Variants in MYOF observed in about 807,000 individuals in gnomAD.
MYOF encodes myoferlin.
In MYOF, 244 loss-of-function variants were observed where a neutral mutation model predicts 284.2. The ratio of observed to expected loss-of-function variants is 0.86; its 90% CI spans 0.77 to 0.95. The LOEUF is 0.95. Among genes scored for constraint, MYOF ranks in the 40% least tolerant of loss-of-function variants. The pLI is 0.00. For synonymous variants in MYOF, 904 were observed against 919.7 expected, an observed-to-expected ratio of 0.98 and a Z score of 0.31; for missense variants, 2,496 against 2,560.6, an observed-to-expected ratio of 0.97 and a Z score of 0.54.
intron 40 of MYOF, among the ~76,000 whole-genome samples, chr10:93,336,916 G>GGGAAGGAAA (rs1442336646): frequency 1.4e-5 from 2 of 145,206 alleles, no homozygotes; most frequent in African/African-American, 5.3e-5. Context: ...AAGGAAGGAA[G>GGGAAGGAAA]GGAAGGAAAG....
chr10:93,306,692 G>A lies in MYOF; in HGVS notation c.*271C>T. The A allele has an allele frequency of 2.4e-6, 1 of 414,334 alleles. No homozygotes were observed. The highest frequency in any genetic ancestry group is 4.2e-6 in the Non-Finnish European group (1 of 236,160). 25.7% of individuals were successfully genotyped at this position (414,334 alleles called of 1,614,324 possible). The stretch of plus-strand genomic sequence containing the variant: ...ACATATAAAAAGATGATTTTTAAAT[G>A]GAACCAGCCACCTTGAAAAATATTT... On this transcript the variant is annotated 3_prime_UTR_variant, in exon 54 of 54. Coordinates refer to ENST00000359263, the MANE Select transcript of MYOF (RefSeq NM_013451.4).
intron 11 of MYOF, among the ~76,000 whole-genome samples, chr10:93,401,792 CGT>C (rs57326000): frequency 0.023 from 2,135 of 94,458 alleles, 24 homozygotes; most frequent in East Asian, 0.063. Flanking sequence ...AGAGCCTGTG[CGT>C]GTGTGTGTGT....
At chr10:93,329,046 G>A in intron 44 of MYOF, 135 bp from the exon 45 acceptor site, 1 of 841,906 alleles carries the variant, frequency 1.2e-6, no homozygotes, top group Non-Finnish European at 1.7e-6. Context: ...CTCTGACTTT[G>A]GCCTAGAAAT....
At chr10:93,428,636 C>G (rs1002671272) in intron 4 of MYOF, among the ~76,000 whole-genome samples, 1 of 151,348 alleles carries the variant, frequency 6.6e-6, no homozygotes, top group Non-Finnish European at 1.5e-5. Context: ...TTCCATTTTT[C>G]TGTTCATCAG....
At position 93,325,909 on chromosome 10, in the gene MYOF, G is replaced by A. The variant is rs777800718; in HGVS notation, c.5188C>T (p.His1730Tyr). Residue 1730 changes from histidine to tyrosine, a missense_variant, in exon 46 of 54, where the codon CAC becomes TAC. This residue lies in a region of MYOF where 2,436 missense variants were observed against 2,480.7 expected (regional missense o/e 0.98). Coordinates refer to ENST00000359263, the MANE Select transcript of MYOF (RefSeq NM_013451.4). ...ACCAGCCCCTGAGTCCTGAGGATGT[G>A]AAGAGCAAGCCGCTCTTCAGGGGCC... Reference protein sequence around the residue: ...LGAPEERLALHILRTQGLVPE... With the variant: ...LGAPEERLALYILRTQGLVPE... The A allele has an allele frequency of 1.2e-6, 2 of 1,614,176 alleles. No homozygotes were observed. Among genetic ancestry groups the A allele is most frequent in the Admixed American group, 3.3e-5 (2 of 60,026 alleles).
At chr10:93,323,532 A>T in intron 46 of MYOF, 174 bp from the exon 47 acceptor site, 1 of 630,570 alleles carries the variant, frequency 1.6e-6, no homozygotes, top group Non-Finnish European at 2.7e-6. Flanking sequence ...TCTTTTATGT[A>T]CAATGTCATT....
rs1480502650 is a variant in MYOF at position 93,320,114 on chromosome 10, T to C, written c.5457-101A>G. On this transcript the variant is annotated intron_variant, in intron 48 of 53. Transcript: ENST00000359263. ...GGGGAGCAAAGAGCAGGAGAATTAA[T>C]GCACTTTTCTTGGGCAGATTCCAGT... 4.3e-6 allele frequency: 6 copies of C among 1,401,336 alleles called. No individual in the cohort carries two copies. In the African/African-American group the frequency reaches 8.6e-5, roughly 20 times the overall value. The allele number at this position is 1,401,336 out of a possible 1,614,324, so 86.8% of individuals were successfully genotyped here.
chr10:93,403,599 A>C (rs933976975), intron 9 of MYOF, among the ~76,000 whole-genome samples: 16 of 152,194 alleles, frequency 1.1e-4, no homozygotes, highest in African/African-American at 3.4e-4. Context: ...CTTTCATTCC[A>C]GTGAGAGCTA....
chr10:93,408,680 G>A (rs973846413), intron 7 of MYOF, 107 bp downstream of exon 7: 2 of 1,461,736 alleles, frequency 1.4e-6, no homozygotes, highest in African/African-American at 1.4e-5. Flanking sequence ...TTTTGTTCCT[G>A]TGATCTCTAC....
At chr10:93,371,762 A>T (rs539837937) in intron 24 of MYOF, among the ~76,000 whole-genome samples, 1 of 152,288 alleles carries the variant, frequency 6.6e-6, no homozygotes, top group South Asian at 2.1e-4. Flanking sequence ...AGGGATCTCA[A>T]GACCAAAAAA....
chr10:93,347,390 A>C (rs111625803), intron 37 of MYOF, among the ~76,000 whole-genome samples: 2,801 of 149,604 alleles, frequency 0.019, 89 homozygotes, highest in African/African-American at 0.063. Flanking sequence ...GTCTCTACTA[A>C]AAATACAAAA....
In MYOF at chr10:93,401,525, T is replaced by C. The variant is rs1288373384; in HGVS notation, c.1010A>G (p.Asp337Gly). The change falls in exon 12 of 54, where the codon GAT (aspartate) becomes GGT (glycine). Residue 337 changes from aspartate (D) to glycine (G), a missense_variant. Asp to Gly is a moderately conservative substitution (Grantham distance 94). Around this residue, in one of 3 missense-constraint regions of MYOF, gnomAD observed 2,436 missense variants for 2,480.7 expected, o/e 0.98. Coordinates refer to ENST00000359263, the MANE Select transcript of MYOF (RefSeq NM_013451.4). ...DEPPPERRDR[D>G]NDSDDVESNL... is the part of the protein sequence containing the mutation. Reference sequence around the variant, plus strand: ...ACTCTCCACATCATCACTGTCATTATCACGATCTCGTCTCTCAGGCTATTA... The same window carrying C: ...ACTCTCCACATCATCACTGTCATTACCACGATCTCGTCTCTCAGGCTATTA... The C allele has an allele frequency of 6.8e-6, 11 of 1,614,006 alleles. No homozygotes were observed. Among genetic ancestry groups the C allele is most frequent in the African/African-American group, 2.7e-5 (2 of 74,906 alleles).
chr10:93,368,935 C>T (rs1845449069), intron 25 of MYOF, among the ~76,000 whole-genome samples: 1 of 152,086 alleles, frequency 6.6e-6, no homozygotes, highest in Non-Finnish European at 1.5e-5. Flanking sequence ...AGTCAATAAG[C>T]ACTTGAGTTA....
chr10:93,346,059 C>T (rs971622682), intron 37 of MYOF, among the ~76,000 whole-genome samples: 1 of 152,234 alleles, frequency 6.6e-6, no homozygotes, highest in African/African-American at 2.4e-5. Context: ...TGGTTTCTCT[C>T]CATTTAGTAA....
In MYOF at chr10:93,411,176, C is replaced by A. The variant is rs957602988; in HGVS notation, c.434-1437G>T. Among the ~76,000 whole-genome samples, 4 of 152,206 alleles carry A rather than the reference C, an allele frequency of 2.6e-5. No homozygotes were observed. The East Asian group carries it at 7.7e-4, about 29-fold the overall frequency. ...TAATCAGTTTTGGTTGGTGTCTTCA[C>A]CTGCTTGGGCTGCTATAACAAAATA... On this transcript the variant is annotated intron_variant, in intron 5 of 53. Coordinates refer to ENST00000359263, the MANE Select transcript of MYOF (RefSeq NM_013451.4).
chr10:93,403,264 C>T (rs1437626587), intron 9 of MYOF, among the ~76,000 whole-genome samples: 1 of 152,226 alleles, frequency 6.6e-6, no homozygotes, highest in Non-Finnish European at 1.5e-5. Flanking sequence ...AGTTCTCCTC[C>T]TCCTCCTCCT....
intron 3 of MYOF, among the ~76,000 whole-genome samples, chr10:93,442,901 G>A (rs1426195226): frequency 6.6e-6 from 1 of 152,214 alleles, no homozygotes; most frequent in Non-Finnish European, 1.5e-5. Context: ...GCTTATGCCT[G>A]TAATCCCAGT....
chr10:93,358,448 G>A (rs1249287450), intron 29 of MYOF, among the ~76,000 whole-genome samples: 1 of 152,026 alleles, frequency 6.6e-6, no homozygotes, highest in Non-Finnish European at 1.5e-5. Context: ...CCCATTACTG[G>A]GTATATACCC....
intron 50 of MYOF, among the ~76,000 whole-genome samples, chr10:93,316,285 A>C (rs1395370722): frequency 6.6e-6 from 1 of 151,354 alleles, no homozygotes; most frequent in Non-Finnish European, 1.5e-5. Flanking sequence ...GGTGCATTGA[A>C]CTAGTGCCCT....
Sources: allele counts gnomAD v4.1 joint callset (sites outside exome capture counted in the v4.1 genomes callset), GRCh38; gene constraint gnomAD v4.1.1; regional missense constraint gnomAD v4.1.1; transcripts MANE v1.5; gene names NCBI Gene and HGNC (gene_info 2026-07-23, HGNC 2026-07-21).